Variants in PPP6R1 observed in about 807,000 individuals in gnomAD.
PPP6R1 encodes protein phosphatase 6 regulatory subunit 1.
In PPP6R1, 39 loss-of-function variants were observed where a neutral mutation model predicts 104.6. The ratio of observed to expected loss-of-function variants is 0.37; its 90% CI spans 0.29 to 0.49. PPP6R1 has a LOEUF of 0.49. PPP6R1 is among the 20% of genes least tolerant of loss of function. The pLI, the probability that PPP6R1 is intolerant of heterozygous loss-of-function variation, is 0.98. For missense variants in PPP6R1, 1,181 were observed against 1,155.8 expected, an observed-to-expected ratio of 1.02 and a Z score of -0.32; for synonymous variants, 549 against 479.0, an observed-to-expected ratio of 1.15 and a Z score of -1.91.
At chr19:55,231,008 G>A in intron 21 of PPP6R1, 124 bp from the exon 22 acceptor site, 2 of 831,036 alleles carry the variant, frequency 2.4e-6, no homozygotes, top group Admixed American at 2.2e-5. Context: ...CCACGGGGAG[G>A]GGCCTCCCGA....
Position 55,236,725 on chromosome 19 carries a change from C to T in PPP6R1, c.1906G>A (p.Gly636Arg). The T allele has an allele frequency of 6.2e-7, 1 of 1,613,792 alleles. No homozygotes were observed. Among genetic ancestry groups the T allele is most frequent in the Non-Finnish European group, 8.5e-7 (1 of 1,179,790 alleles). ...GCGCCATCTTCTCCATCAGACTCCC[C>T]TGAGCCCTGGGCCTCTTCCTCGTCC... ...EEDEEEAQGS[G>R]ESDGEDGAWQ... Residue 636 changes from glycine (G) to arginine (R), a missense_variant, in exon 17 of 24, where the codon GGG becomes AGG. By Grantham distance (125) the Gly-to-Arg change is moderately radical. Around this residue, in one of 2 missense-constraint regions of PPP6R1, gnomAD observed 1,042 missense variants for 955.6 expected, o/e 1.09. Transcript: ENST00000412770.
At position 55,245,484 on chromosome 19, in the gene PPP6R1, C is replaced by G. The variant is rs774287833; in HGVS notation, c.414+8G>C. 27 of 1,609,488 alleles carry G rather than the reference C, an allele frequency of 1.7e-5. No individual in the cohort carries two copies. In the African/African-American group the frequency reaches 3.5e-4, roughly 21 times the overall value. On this transcript the variant is annotated splice_region_variant and intron_variant, in intron 3 of 23. Transcript: ENST00000412770. The surrounding 1 kb of genome is among the most constrained non-coding windows in gnomAD (Gnocchi z 6.4). ...CCCACGGTGGCGCCAGGGTGGGGGC[C>G]AGGGCACCTGGTCTGTCTTGCGGTT...
rs766298793 is a variant in PPP6R1, at chr19:55,239,449, G to T, written c.1707C>A (p.Phe569Leu). Residue 569 changes from phenylalanine (F) to leucine (L), a missense_variant, in exon 15 of 24, where the codon TTC becomes TTA. By Grantham distance (22) the Phe-to-Leu change is conservative. Transcript: ENST00000412770. ...CCCCAAACTCCTCATCATTGAAGCCGAAGTGGTCAATGAAGGCAGAGGTCA... is the reference window on the plus strand; with the variant it reads ...CCCCAAACTCCTCATCATTGAAGCCTAAGTGGTCAATGAAGGCAGAGGTCA... ...QRMTSAFIDH[F>L]GFNDEEFGEQ... The T allele has an allele frequency of 6.2e-7, 1 of 1,614,036 alleles. No individual in the cohort carries two copies. The highest frequency in any genetic ancestry group is 1.1e-5 in the South Asian group (1 of 91,084).
rs753427190 is a variant in PPP6R1 at position 55,241,258 on chromosome 19, T to G, written c.1142A>C (p.Asp381Ala). 2.5e-6 allele frequency: 4 copies of G among 1,604,604 alleles called. No individual in the cohort carries two copies. The East Asian group carries it at 6.7e-5, about 27-fold the overall frequency. The change falls in exon 9 of 24, where the codon GAC (aspartate) becomes GCC (alanine). Residue 381 changes from aspartate (D) to alanine (A), a missense_variant. Physicochemically the swap from Asp to Ala is moderately radical, Grantham distance 126. Transcript: ENST00000412770. The surrounding 1 kb of genome is among the most constrained non-coding windows in gnomAD (Gnocchi z 5.4). ...CCGCACCAGCATGGTGTTGGGCACG[T>G]CCAGTGCCAGGAGCTCGTGCGTCAG... is the stretch of plus-strand genomic sequence containing the variant. Reference protein sequence around the residue: ...AALTHELLALDVPNTMLDLFF... With the variant: ...AALTHELLALAVPNTMLDLFF...
rs1386240222 is a variant in PPP6R1 at position 55,236,770 on chromosome 19, C to G, written c.1861G>C (p.Asp621His). 3 of 1,613,864 alleles carry G rather than the reference C, an allele frequency of 1.9e-6. No homozygotes were observed. In the African/African-American group the frequency reaches 4.0e-5, roughly 22 times the overall value. The change falls in exon 17 of 24, where the codon GAT becomes CAT. Residue 621 changes from aspartate to histidine, a missense_variant. Asp to His is a moderately conservative substitution (Grantham distance 81). Coordinates refer to ENST00000412770, the MANE Select transcript of PPP6R1 (RefSeq NM_014931.4). Reference sequence around the variant, plus strand: ...TCGTCCTCCTCTTCCTCATCATCATCAAACTGCTGGATGCGGTCCTTGTAG... The same window carrying G: ...TCGTCCTCCTCTTCCTCATCATCATGAAACTGCTGGATGCGGTCCTTGTAG... ...ICYKDRIQQF[D>H]DDEEEEDEEE...
chr19:55,231,061 C>T (rs746074284), intron 21 of PPP6R1, 177 bp from the exon 22 acceptor site: 9 of 633,238 alleles, frequency 1.4e-5, no homozygotes, highest in Admixed American at 1.1e-4. Flanking sequence ...CAGCCCTGGA[C>T]AGGAAGACAA....
Position 55,231,394 on chromosome 19 carries a change from C to T in PPP6R1, c.2459+16G>A, listed in dbSNP as rs1260276755. 4.4e-6 allele frequency: 7 copies of T among 1,577,936 alleles called. No individual in the cohort carries two copies. Among genetic ancestry groups the T allele is most frequent in the East Asian group, 2.3e-5 (1 of 42,904 alleles). On this transcript the variant is annotated intron_variant, in intron 21 of 23. Transcript: ENST00000412770. ...AGACTTCTCCCGATACTAGGCAGCC[C>T]CACCTCGCTGCTCACCTGTCCGAGG...
intron 15 of PPP6R1, 25 bp downstream of exon 15, chr19:55,239,380 G>A (rs1191701568): frequency 5.0e-6 from 8 of 1,595,218 alleles, no homozygotes. Context: ...GGACAGGGCT[G>A]TGACCCTGCG....
chr19:55,254,663 G>A (rs2087579115), intron 1 of PPP6R1, among the ~76,000 whole-genome samples: 1 of 152,206 alleles, frequency 6.6e-6, no homozygotes, highest in African/African-American at 2.4e-5. Context: ...ACAGCTGCCT[G>A]AGCTGTCCCA....
At chr19:55,258,134 G>A (rs1434517623) in intron 1 of PPP6R1, among the ~76,000 whole-genome samples, 1 of 152,222 alleles carries the variant, frequency 6.6e-6, no homozygotes, top group African/African-American at 2.4e-5. Flanking sequence ...GCAAGAGAGC[G>A]GAGCTGAGGC....
At chr19:55,244,552 CG>C (rs1555885531) in intron 5 of PPP6R1, among the ~76,000 whole-genome samples, 1 of 152,146 alleles carries the variant, frequency 6.6e-6, no homozygotes, top group Non-Finnish European at 1.5e-5. Context: ...GTGGGGCCAG[CG>C]CTTGGACAGG....
At chr19:55,246,415 CAA>C (rs765525887) in intron 2 of PPP6R1, among the ~76,000 whole-genome samples, 22 of 71,990 alleles carry the variant, frequency 3.1e-4, no homozygotes, top group African/African-American at 6.6e-4. Context: ...AAGTGAGTCT[CAA>C]AAAAAAAAAA....
rs768634624 is a variant in PPP6R1 at position 55,239,389 on chromosome 19, C to T, written c.1751+16G>A. 8 of 1,605,132 alleles carry T rather than the reference C, an allele frequency of 5.0e-6. No homozygotes were observed. The highest frequency in any genetic ancestry group is 2.7e-5 in the African/African-American group (2 of 74,700). On this transcript the variant is annotated intron_variant, in intron 15 of 23. Coordinates refer to ENST00000412770, the MANE Select transcript of PPP6R1 (RefSeq NM_014931.4). ...GAGGCAGGACAGGGCTGTGACCCTG[C>T]GCAGGAGACACTCACTTCACACTCT... is the stretch of plus-strand genomic sequence containing the variant.
intron 17 of PPP6R1, among the ~76,000 whole-genome samples, chr19:55,236,068 C>T (rs1034370336): frequency 1.3e-5 from 2 of 150,852 alleles, no homozygotes; most frequent in African/African-American, 4.9e-5. Context: ...TGAGCTCAAG[C>T]GATCCATCCA....
Position 55,242,211 on chromosome 19 carries a change from C to A in PPP6R1, c.800G>T (p.Ser267Ile). ...EGEQSQSVIV[S>I]GIQVLLTLLE... is the part of the protein sequence containing the mutation. ...CAGGGTCAGCAGCACCTGGATCCCA[C>A]TGACGATGACAGACTGGCTCTGCTC... The change falls in exon 7 of 24, where the codon AGT becomes ATT. Residue 267 changes from serine (S) to isoleucine (I), a missense_variant. Physicochemically the swap from Ser to Ile is moderately radical, Grantham distance 142. This residue lies in a region of PPP6R1 where 1,042 missense variants were observed against 955.6 expected (regional missense o/e 1.09). Coordinates refer to ENST00000412770, the MANE Select transcript of PPP6R1 (RefSeq NM_014931.4). The A allele has an allele frequency of 6.2e-7, 1 of 1,613,914 alleles. No homozygotes were observed. The highest frequency in any genetic ancestry group is 8.5e-7 in the Non-Finnish European group (1 of 1,179,870).
In PPP6R1 at chr19:55,246,862, A is replaced by G. The variant is rs749901609; in HGVS notation, c.227+15T>C. On this transcript the variant is annotated intron_variant, in intron 2 of 23. Transcript: ENST00000412770. The stretch of plus-strand genomic sequence containing the variant: ...TGCTGATAGGGACGGGCTGGCCAGG[A>G]GCTGGGGAACTCACTTGTAGCGCAG... 72 of 1,565,720 alleles carry G rather than the reference A, an allele frequency of 4.6e-5. No individual in the cohort carries two copies. The highest frequency in any genetic ancestry group is 6.2e-5 in the Non-Finnish European group (71 of 1,153,372).
At chr19:55,236,159 T>C (rs1365140056) in intron 17 of PPP6R1, among the ~76,000 whole-genome samples, 1 of 151,410 alleles carries the variant, frequency 6.6e-6, no homozygotes, top group Non-Finnish European at 1.5e-5. Context: ...TAATGCATCA[T>C]CTACCTTTTT....
chr19:55,228,921 A>C (rs924485095), downstream of PPP6R1: 1 of 627,442 alleles, frequency 1.6e-6, no homozygotes, highest in East Asian at 2.8e-5. Context: ...CCCGCTGATA[A>C]AGCACTGTTG....
rs1255877216 is a variant in PPP6R1, at chr19:55,230,651, A to T, written c.2604T>A (p.Asn868Lys). ...AQALTPPPIP[N>K]GSAPEGPASP... ...ATGCAGGCCCTTCCGGGGCAGAGCC[A>T]TTGGGTATCGGAGGAGGCGTGAGGG... Residue 868 changes from asparagine (N) to lysine (K), a missense_variant, in exon 23 of 24, where the codon AAT (asparagine) becomes AAA (lysine). Physicochemically the swap from Asn to Lys is moderately conservative, Grantham distance 94. Around this residue, in one of 2 missense-constraint regions of PPP6R1, gnomAD observed 1,042 missense variants for 955.6 expected, o/e 1.09. Coordinates refer to ENST00000412770, the MANE Select transcript of PPP6R1 (RefSeq NM_014931.4). 1 of 1,609,268 alleles carries T rather than the reference A, an allele frequency of 6.2e-7. No homozygotes were observed. The highest frequency in any genetic ancestry group is 8.5e-7 in the Non-Finnish European group (1 of 1,177,902).
Sources: allele counts gnomAD v4.1 joint callset (sites outside exome capture counted in the v4.1 genomes callset), GRCh38; gene constraint gnomAD v4.1.1; regional missense constraint gnomAD v4.1.1; non-coding constraint Gnocchi (gnomAD v3.1); transcripts MANE v1.5; gene names NCBI Gene and HGNC (gene_info 2026-07-23, HGNC 2026-07-21).